Variants in DCAF5 observed in about 807,000 individuals in gnomAD.
DCAF5 encodes the protein DDB1 and CUL4 associated factor 5, also known as DDB1- and CUL4-associated factor 5.
In DCAF5, 9 loss-of-function variants were observed where a neutral mutation model predicts 80.7. The ratio of observed to expected loss-of-function variants is 0.11; its 90% CI spans 0.07 to 0.19. DCAF5 has a LOEUF of 0.19. DCAF5 is among the 10% of genes least tolerant of loss of function. The pLI, the probability that DCAF5 is intolerant of heterozygous loss-of-function variation, is 1.00. For missense variants in DCAF5, 842 were observed against 1,205.7 expected, an observed-to-expected ratio of 0.70 and a Z score of 4.47; for synonymous variants, 433 against 461.9, an observed-to-expected ratio of 0.94 and a Z score of 0.80.
intron 5 of DCAF5, among the ~76,000 whole-genome samples, chr14:69,109,241 G>C (rs2040267768): frequency 6.6e-6 from 1 of 151,804 alleles, no homozygotes; most frequent in Non-Finnish European, 1.5e-5. Flanking sequence ...CTACTCAGAA[G>C]GCTGAGTCAG....
chr14:69,092,752 G>A (rs1207573357), intron 5 of DCAF5, among the ~76,000 whole-genome samples: 1 of 152,116 alleles, frequency 6.6e-6, no homozygotes, highest in Non-Finnish European at 1.5e-5. Context: ...AAGTATTAAA[G>A]ACAATTCTTA....
intron 6 of DCAF5, chr14:69,090,171 G>T (rs777292791): frequency 4.5e-5 from 42 of 940,572 alleles, no homozygotes; most frequent in Admixed American, 6.2e-5. Context: ...CAAAAGCAAA[G>T]AAAGAAGGAA....
chr14:69,107,443 A>G (rs1020642158), intron 5 of DCAF5, among the ~76,000 whole-genome samples: 3 of 152,190 alleles, frequency 2.0e-5, no homozygotes, highest in African/African-American at 7.2e-5. Flanking sequence ...CCCCAAACCA[A>G]CAACTCAATC....
intron 5 of DCAF5, among the ~76,000 whole-genome samples, chr14:69,095,114 C>T (rs983970943): frequency 7.2e-5 from 11 of 152,212 alleles, no homozygotes; most frequent in Non-Finnish European, 1.2e-4. Flanking sequence ...GTCCTCAACA[C>T]ATTCCCTGAA....
chr14:69,115,491 C>A (rs1435577965), intron 5 of DCAF5, among the ~76,000 whole-genome samples: 1 of 152,214 alleles, frequency 6.6e-6, no homozygotes, highest in African/African-American at 2.4e-5. Flanking sequence ...CCATGATATT[C>A]TTCTGCAACA....
At chr14:69,095,206 G>T (rs1436908795) in intron 5 of DCAF5, among the ~76,000 whole-genome samples, 1 of 152,130 alleles carries the variant, frequency 6.6e-6, no homozygotes, top group Non-Finnish European at 1.5e-5. Flanking sequence ...TTGCTTTCTA[G>T]ACACTTATCT....
chr14:69,093,393 A>G (rs1369568943), intron 5 of DCAF5, among the ~76,000 whole-genome samples: 1 of 152,258 alleles, frequency 6.6e-6, no homozygotes, highest in Non-Finnish European at 1.5e-5. Flanking sequence ...AAGGGCCTCA[A>G]GATGCCTAAA....
chr14:69,139,569 T>C (rs1268192902), intron 1 of DCAF5, among the ~76,000 whole-genome samples: 1 of 148,532 alleles, frequency 6.7e-6, no homozygotes, highest in African/African-American at 2.5e-5. Flanking sequence ...ATCCCAGTAC[T>C]TTGGGAGGCT....
In DCAF5 at chr14:69,103,127, A is replaced by T. The variant is rs1595002314; in HGVS notation, c.666-11240T>A. 2.0e-5 allele frequency among the ~76,000 whole-genome samples: 3 copies of T among 152,256 alleles called. No individual in the cohort carries two copies. In the East Asian group the frequency reaches 5.8e-4, roughly 29 times the overall value. ...TTATGCAGAACACACGTGTATATGGACAAATTCTCAACACATACCAATGAG... is the reference window on the plus strand; with the variant it reads ...TTATGCAGAACACACGTGTATATGGTCAAATTCTCAACACATACCAATGAG... On this transcript the variant is annotated intron_variant, in intron 5 of 8. Coordinates refer to ENST00000341516, the MANE Select transcript of DCAF5 (RefSeq NM_003861.3).
intron 5 of DCAF5, among the ~76,000 whole-genome samples, chr14:69,093,589 G>C (rs577922196): frequency 6.6e-6 from 1 of 152,216 alleles, no homozygotes; most frequent in South Asian, 2.1e-4. Context: ...CTATCCTATG[G>C]GAAGGGAAGC....
chr14:69,095,169 TACAA>T (rs1199066601), intron 5 of DCAF5, among the ~76,000 whole-genome samples: 1 of 152,142 alleles, frequency 6.6e-6, no homozygotes, highest in Non-Finnish European at 1.5e-5. Context: ...GGTGCCTCTA[TACAA>T]ACAAGAATGC....
At chr14:69,071,478 T>C (rs751612536) in intron 7 of DCAF5, among the ~76,000 whole-genome samples, 1 of 152,072 alleles carries the variant, frequency 6.6e-6, no homozygotes, top group Non-Finnish European at 1.5e-5. Flanking sequence ...CTGCTTGTCA[T>C]CTAGAGTCTA....
intron 1 of DCAF5, among the ~76,000 whole-genome samples, chr14:69,129,780 G>A (rs546845677): frequency 9.9e-5 from 15 of 152,258 alleles, no homozygotes; most frequent in Admixed American, 6.5e-4. Context: ...GGGACTTCTC[G>A]GGAAGGCTAG....
chr14:69,138,240 T>C (rs1282257187), intron 1 of DCAF5, among the ~76,000 whole-genome samples: 1 of 152,196 alleles, frequency 6.6e-6, no homozygotes, highest in East Asian at 1.9e-4. Context: ...GAATGGAAAT[T>C]CAGCATGGGG....
intron 1 of DCAF5, among the ~76,000 whole-genome samples, chr14:69,151,114 A>T (rs1306722802): frequency 6.6e-6 from 1 of 152,180 alleles, no homozygotes; most frequent in Non-Finnish European, 1.5e-5. Flanking sequence ...CTAGGTCTAT[A>T]AAGAAGAGGT....
At chr14:69,096,176 C>T (rs1437592822) in intron 5 of DCAF5, among the ~76,000 whole-genome samples, 1 of 152,110 alleles carries the variant, frequency 6.6e-6, no homozygotes, top group South Asian at 2.1e-4. Flanking sequence ...TTTAGAGTCC[C>T]GATAATCCAT....
At chr14:69,143,537 T>TA (rs972515283) in intron 1 of DCAF5, among the ~76,000 whole-genome samples, 8 of 145,072 alleles carry the variant, frequency 5.5e-5, no homozygotes, top group East Asian at 2.1e-4. Flanking sequence ...ATTAGCTATT[T>TA]AAAAAATCTG....
At chr14:69,151,649 G>A (rs2041708714) in intron 1 of DCAF5, among the ~76,000 whole-genome samples, 1 of 152,062 alleles carries the variant, frequency 6.6e-6, no homozygotes, top group Admixed American at 6.5e-5. Context: ...CCTCACGTAG[G>A]CCCATTCCCA....
At chr14:69,130,568 T>C (rs1364997108) in intron 1 of DCAF5, among the ~76,000 whole-genome samples, 1 of 152,284 alleles carries the variant, frequency 6.6e-6, no homozygotes, top group South Asian at 2.1e-4. Flanking sequence ...ATGGTTAAAA[T>C]GGTAAATCTT....
Sources: allele counts gnomAD v4.1 joint callset (sites outside exome capture counted in the v4.1 genomes callset), GRCh38; gene constraint gnomAD v4.1.1; transcripts MANE v1.5; gene names NCBI Gene and HGNC (gene_info 2026-07-23, HGNC 2026-07-21).